Variants in FRY observed in about 807,000 individuals in gnomAD.
FRY encodes the protein protein furry homolog.
FRY carries 128 observed loss-of-function variants against 348.4 expected under a neutral mutation model. The observed-to-expected ratio is 0.37, with a 90% CI of 0.32 to 0.43. The LOEUF (loss-of-function observed/expected upper bound fraction) is 0.43. Ranked by LOEUF, FRY falls within the 20% of genes least tolerant of loss-of-function variation. The pLI is 1.00. For missense variants in FRY, 2,736 were observed against 3,695.2 expected, an observed-to-expected ratio of 0.74 and a Z score of 6.73; for synonymous variants, 1,370 against 1,374.7, an observed-to-expected ratio of 1.00 and a Z score of 0.08.
Position 32,117,481 on chromosome 13 carries a change from T to A in FRY, c.464+8T>A. The A allele has an allele frequency of 6.2e-7, 1 of 1,612,152 alleles. No individual in the cohort carries two copies. The highest frequency in any genetic ancestry group is 8.5e-7 in the Non-Finnish European group (1 of 1,178,288). ...AAGCAATAAATCAAAAAGGTACATT[T>A]CTTTTGTGTAAGGATCATGGTTTTA... On this transcript the variant is annotated splice_region_variant and intron_variant, in intron 4 of 60. Coordinates refer to ENST00000542859, the MANE Select transcript of FRY (RefSeq NM_023037.3).
At chr13:32,244,215 G>T in intron 47 of FRY, 33 bp downstream of exon 47, 1 of 1,602,446 alleles carries the variant, frequency 6.2e-7, no homozygotes, top group African/African-American at 1.3e-5. Context: ...TAAGCAACCA[G>T]TCGTTCTAAA....
At position 32,124,696 on chromosome 13, in the gene FRY, C is replaced by T. The variant is rs1466906084; in HGVS notation, c.635+15C>T. 7.8e-6 allele frequency: 12 copies of T among 1,539,970 alleles called. No individual in the cohort carries two copies. Among genetic ancestry groups the T allele is most frequent in the South Asian group, 1.1e-5 (1 of 89,578 alleles). On this transcript the variant is annotated intron_variant, in intron 6 of 60. Transcript: ENST00000542859. Reference sequence around the variant, plus strand: ...TACAAAGAAGGGTAAGATGATTTCTCACCTTAGAATGTTGAAGTTGGTGTT... The same window carrying T: ...TACAAAGAAGGGTAAGATGATTTCTTACCTTAGAATGTTGAAGTTGGTGTT...
Position 32,208,924 on chromosome 13 carries a change from C to G in FRY, c.4090C>G (p.Leu1364Val). 6.2e-7 allele frequency: 1 copy of G among 1,614,212 alleles called. No individual in the cohort carries two copies. The change falls in exon 32 of 61, where the codon CTG (leucine) becomes GTG (valine). Residue 1364 changes from leucine (L) to valine (V), a missense_variant. By Grantham distance (32) the Leu-to-Val change is conservative (BLOSUM62 1). Transcript: ENST00000542859. ...CATGCTTACCTACCTGCTGCCCTGG[C>G]TGCACAACATCGAGCTGGTGGACAG... Reference protein sequence around the residue: ...QIMLTYLLPWLHNIELVDSRL... With the variant: ...QIMLTYLLPWVHNIELVDSRL...
intron 3 of FRY, among the ~76,000 whole-genome samples, chr13:32,103,544 A>T (rs1263319826): frequency 2.0e-5 from 3 of 152,224 alleles, no homozygotes; most frequent in Non-Finnish European, 4.4e-5. Flanking sequence ...ATTAGGAGAT[A>T]TACCTAATGT....
At chr13:32,243,932 A>T in intron 46 of FRY, 110 bp from the exon 47 acceptor site, 2 of 1,264,754 alleles carry the variant, frequency 1.6e-6, no homozygotes, top group East Asian at 2.4e-5. Context: ...TCTCCTAAAA[A>T]AATAAAAAAT....
At chr13:32,236,738 A>T (rs1886246967) in intron 43 of FRY, among the ~76,000 whole-genome samples, 1 of 152,112 alleles carries the variant, frequency 6.6e-6, no homozygotes, top group Non-Finnish European at 1.5e-5. Context: ...TTGAGTCGGT[A>T]ATGTTATCTT....
intron 39 of FRY, among the ~76,000 whole-genome samples, chr13:32,228,081 G>A (rs1434378144): frequency 6.6e-6 from 1 of 152,128 alleles, no homozygotes; most frequent in African/African-American, 2.4e-5. Context: ...CTAATACCCA[G>A]GAATAATTTA....
chr13:32,083,605 A>G (rs379261), intron 2 of FRY, among the ~76,000 whole-genome samples: 93,771 of 151,940 alleles, frequency 0.62, 29,063 homozygotes, highest in Admixed American at 0.63. Flanking sequence ...TGTTGCCCAG[A>G]GTTATTGCTG....
chr13:32,274,504 A>G (rs529329331), intron 55 of FRY, among the ~76,000 whole-genome samples: 14 of 151,626 alleles, frequency 9.2e-5, no homozygotes, highest in South Asian at 2.1e-4. Flanking sequence ...TCAGATCGAG[A>G]CCATCCTGGC....
At chr13:32,265,984 T>C (rs1298523479) in intron 54 of FRY, among the ~76,000 whole-genome samples, 1 of 152,166 alleles carries the variant, frequency 6.6e-6, no homozygotes, top group Non-Finnish European at 1.5e-5. Flanking sequence ...AGGCTCTTTA[T>C]ATAGGAAATA....
rs2072061787 is a variant in FRY, at chr13:32,296,312, G to C, written c.*852G>C. Reference sequence around the variant, plus strand: ...AGATAAATTCCAAGTCTTTTCACCTGTCAGGCATGCATATTTTAATATCTG... The same window carrying C: ...AGATAAATTCCAAGTCTTTTCACCTCTCAGGCATGCATATTTTAATATCTG... On this transcript the variant is annotated 3_prime_UTR_variant, in exon 61 of 61. Transcript: ENST00000542859. 1 of 152,572 alleles carries C rather than the reference G, an allele frequency of 6.6e-6. No individual in the cohort carries two copies. Among genetic ancestry groups the C allele is most frequent in the South Asian group, 2.1e-4 (1 of 4,834 alleles). The allele number at this position is 152,572 out of a possible 1,614,324, so 9.5% of individuals were successfully genotyped here. A position where few individuals can be genotyped will look rare whatever the true frequency, so the allele number is the denominator to read the frequency against.
chr13:32,074,175 C>G (rs1002718440), intron 1 of FRY, among the ~76,000 whole-genome samples: 86 of 152,090 alleles, frequency 5.7e-4, no homozygotes, highest in African/African-American at 2.1e-3. Context: ...GGAATGGGCC[C>G]TGCTTAATAT....
intron 1 of FRY, among the ~76,000 whole-genome samples, chr13:32,056,002 C>CT (rs1873602090): frequency 6.6e-6 from 1 of 151,934 alleles, no homozygotes; most frequent in African/African-American, 2.4e-5. Context: ...ACCAGCCTGG[C>CT]CAATATGGTG....
chr13:32,243,867 G>A (rs1039341718), intron 46 of FRY, among the ~76,000 whole-genome samples, 175 bp from the exon 47 acceptor site: 2 of 152,138 alleles, frequency 1.3e-5, no homozygotes, highest in African/African-American at 4.8e-5. Context: ...TGAGGCAGGA[G>A]GATCTCTTGA....
chr13:32,096,893 T>C (rs922461473), intron 2 of FRY, among the ~76,000 whole-genome samples: 5 of 151,836 alleles, frequency 3.3e-5, no homozygotes, highest in Non-Finnish European at 7.4e-5. Context: ...TATTGCAGCA[T>C]TGACCCCAAG....
intron 14 of FRY, among the ~76,000 whole-genome samples, chr13:32,151,151 G>A (rs1315234784): frequency 6.6e-6 from 1 of 152,128 alleles, no homozygotes; most frequent in African/African-American, 2.4e-5. Flanking sequence ...CAGAATTACT[G>A]GATTACTTGT....
intron 17 of FRY, among the ~76,000 whole-genome samples, 181 bp from the exon 18 acceptor site, chr13:32,170,831 C>G (rs1246381573): frequency 2.0e-5 from 3 of 152,030 alleles, no homozygotes; most frequent in Admixed American, 6.6e-5. Flanking sequence ...GCCACCATGC[C>G]TGGCCAAATT....
intron 39 of FRY, 140 bp from the exon 40 acceptor site, chr13:32,228,316 T>C: frequency 1.3e-6 from 1 of 768,276 alleles, no homozygotes; most frequent in Non-Finnish European, 2.4e-6. Context: ...CATTTAATCA[T>C]AGCCACAGCC....
intron 21 of FRY, 132 bp from the exon 22 acceptor site, chr13:32,178,712 T>C: frequency 2.7e-6 from 2 of 734,052 alleles, no homozygotes; most frequent in Non-Finnish European, 4.8e-6. Flanking sequence ...CCAATGCAGA[T>C]ACTCTTTGAA....
Sources: allele counts gnomAD v4.1 joint callset (sites outside exome capture counted in the v4.1 genomes callset), GRCh38; gene constraint gnomAD v4.1.1; transcripts MANE v1.5; gene names NCBI Gene and HGNC (gene_info 2026-07-23, HGNC 2026-07-21).